Variants in KCNQ3 observed in about 807,000 individuals in gnomAD.
The protein encoded by KCNQ3 is potassium voltage-gated channel subfamily KQT member 3.
A neutral mutation model predicts 92.5 loss-of-function variants in KCNQ3; 30 were observed. The ratio of observed to expected loss-of-function variants is 0.32; its 90% CI spans 0.24 to 0.44. The LOEUF is 0.44. Ranked by LOEUF, KCNQ3 falls within the 20% of genes least tolerant of loss-of-function variation. KCNQ3 has a pLI of 1.00. For missense variants in KCNQ3, 913 were observed against 1,140.3 expected, an observed-to-expected ratio of 0.80 and a Z score of 2.87; for synonymous variants, 450 against 468.8, an observed-to-expected ratio of 0.96 and a Z score of 0.52.
chr8:132,172,046 G>A (rs1358191443), intron 7 of KCNQ3, among the ~76,000 whole-genome samples: 1 of 151,920 alleles, frequency 6.6e-6, no homozygotes, highest in African/African-American at 2.4e-5. Context: ...ATGGTGGTAC[G>A]TGTGGTGGTG....
chr8:132,333,786 T>C (rs530204987), intron 1 of KCNQ3, among the ~76,000 whole-genome samples: 49 of 151,344 alleles, frequency 3.2e-4, no homozygotes, highest in African/African-American at 1.2e-3. Context: ...AAGGCTGGAG[T>C]GCAGTGGTGT....
rs10673519 is a variant in KCNQ3 at position 132,133,354 on chromosome 8, C to CTTTTTTTTTTTTTTTTTTTTTTTTTTTTT, written c.1799+935_1799+936insAAAAAAAAAAAAAAAAAAAAAAAAAAAAA. ...TATCATCACGTTAATGCTCTCGATT[C>CTTTTTTTTTTTTTTTTTTTTTTTTTTTTT]TTTTTTTTTTTTTTTTTTTTGAGAT... is the stretch of plus-strand genomic sequence containing the variant. On this transcript the variant is annotated intron_variant, in intron 13 of 14. Coordinates refer to ENST00000388996, the MANE Select transcript of KCNQ3 (RefSeq NM_004519.4). Among the ~76,000 whole-genome samples the CTTTTTTTTTTTTTTTTTTTTTTTTTTTTT allele has an allele frequency of 2.9e-5, 3 of 103,478 alleles. 1 individual carries two copies. The highest frequency in any genetic ancestry group is 1.8e-5 in the Non-Finnish European group (1 of 55,058). The allele number at this position is 103,478 out of a possible 152,430, so 67.9% of individuals were successfully genotyped here. A position where few individuals can be genotyped will look rare whatever the true frequency, so the allele number is the denominator to read the frequency against.
chr8:132,268,527 G>A (rs985143302), intron 1 of KCNQ3, among the ~76,000 whole-genome samples: 1 of 152,170 alleles, frequency 6.6e-6, no homozygotes, highest in African/African-American at 2.4e-5. Flanking sequence ...CCAAAGTGCT[G>A]GGATTACAGG....
chr8:132,214,899 G>A (rs769278592), intron 1 of KCNQ3, among the ~76,000 whole-genome samples: 2 of 152,224 alleles, frequency 1.3e-5, no homozygotes, highest in Non-Finnish European at 2.9e-5. Flanking sequence ...AATGGTAGGA[G>A]TTTTAGACCT....
chr8:132,434,106 G>C (rs572506499), intron 1 of KCNQ3, among the ~76,000 whole-genome samples: 132 of 147,814 alleles, frequency 8.9e-4, no homozygotes, highest in African/African-American at 3.1e-3. Context: ...TACTTGGGAG[G>C]CTGAGGCAGG....
At chr8:132,342,895 T>TC (rs1218074221) in intron 1 of KCNQ3, among the ~76,000 whole-genome samples, 3 of 152,230 alleles carry the variant, frequency 2.0e-5, no homozygotes, top group Non-Finnish European at 4.4e-5. Context: ...GCTTGTATTC[T>TC]CCCCCATCAC....
At position 132,124,589 on chromosome 8, in the gene KCNQ3, A is replaced by C. The variant is rs1332731167; in HGVS notation, c.*4673T>G. ...GATAGCCTGGTCCTAACATGTTCTAAACTGGGCATTAGTGAGGGGCTGCCT... is the reference window on the plus strand; with the variant it reads ...GATAGCCTGGTCCTAACATGTTCTACACTGGGCATTAGTGAGGGGCTGCCT... On this transcript the variant is annotated 3_prime_UTR_variant, in exon 15 of 15. Transcript: ENST00000388996. The C allele has an allele frequency of 6.6e-6, 1 of 152,240 alleles. No individual in the cohort carries two copies. Among genetic ancestry groups the C allele is most frequent in the African/African-American group, 2.4e-5 (1 of 41,454 alleles). 9.4% of individuals were successfully genotyped at this position (152,240 alleles called of 1,614,324 possible).
intron 1 of KCNQ3, among the ~76,000 whole-genome samples, chr8:132,340,525 A>G (rs971684170): frequency 4.6e-5 from 7 of 152,062 alleles, no homozygotes; most frequent in African/African-American, 1.4e-4. Flanking sequence ...AAAACCAAAC[A>G]CCGCATGTTC....
intron 1 of KCNQ3, among the ~76,000 whole-genome samples, chr8:132,209,175 T>C (rs1211499440): frequency 2.0e-5 from 3 of 152,152 alleles, no homozygotes; most frequent in African/African-American, 7.2e-5. Flanking sequence ...AGGGTCCATC[T>C]TCTCTGAGGA....
At chr8:132,131,399 G>A (rs984655641) in intron 14 of KCNQ3, among the ~76,000 whole-genome samples, 2 of 152,136 alleles carry the variant, frequency 1.3e-5, no homozygotes, top group African/African-American at 4.8e-5. Context: ...GAGTGAGCGG[G>A]TTTCTCTTTC....
intron 1 of KCNQ3, among the ~76,000 whole-genome samples, chr8:132,312,649 G>A (rs1340892160): frequency 1.3e-5 from 2 of 152,170 alleles, no homozygotes; most frequent in Non-Finnish European, 2.9e-5. Flanking sequence ...ACTGGATCAT[G>A]GGGGCGGTTT....
At chr8:132,466,175 A>C (rs565686438) in intron 1 of KCNQ3, among the ~76,000 whole-genome samples, 1 of 152,158 alleles carries the variant, frequency 6.6e-6, no homozygotes, top group African/African-American at 2.4e-5. Context: ...ATTTACAAAT[A>C]CTTTTAATTC....
intron 1 of KCNQ3, among the ~76,000 whole-genome samples, chr8:132,325,984 C>G (rs1249362591): frequency 6.6e-6 from 1 of 152,128 alleles, no homozygotes; most frequent in Admixed American, 6.5e-5. Context: ...GTAAAAGGGA[C>G]AATATTTGTT....
At chr8:132,339,471 T>TA (rs753228779) in intron 1 of KCNQ3, among the ~76,000 whole-genome samples, 37 of 151,196 alleles carry the variant, frequency 2.4e-4, no homozygotes, top group African/African-American at 5.8e-4. Flanking sequence ...CTGGTTTCTT[T>TA]AAAAAAAAAC....
intron 1 of KCNQ3, among the ~76,000 whole-genome samples, chr8:132,342,920 A>T (rs1326556989): frequency 1.3e-5 from 2 of 152,182 alleles, no homozygotes; most frequent in Admixed American, 6.5e-5. Context: ...TGCACTATAA[A>T]CACATTTTCT....
At chr8:132,256,001 C>A (rs1371824519) in intron 1 of KCNQ3, among the ~76,000 whole-genome samples, 2 of 151,902 alleles carry the variant, frequency 1.3e-5, no homozygotes, top group African/African-American at 2.4e-5. Flanking sequence ...AAACAGTCAA[C>A]AGAAAATTGT....
At position 132,431,420 on chromosome 8, in the gene KCNQ3, C is replaced by T. The variant is rs184384567; in HGVS notation, c.386+48727G>A. On this transcript the variant is annotated intron_variant, in intron 1 of 14. Transcript: ENST00000388996. ...CATCCAGATTCCACCTCCTCAGAGTCGGGGGACACACAGGCATCCCTGGCC... is the reference window on the plus strand; with the variant it reads ...CATCCAGATTCCACCTCCTCAGAGTTGGGGGACACACAGGCATCCCTGGCC... Among the ~76,000 whole-genome samples, 565 of 152,320 alleles carry T rather than the reference C, an allele frequency of 3.7e-3. 4 individuals are homozygous for T. The highest frequency in any genetic ancestry group is 0.013 in the African/African-American group (547 of 41,578).
At chr8:132,131,478 G>A (rs1367316930) in intron 14 of KCNQ3, among the ~76,000 whole-genome samples, 1 of 152,110 alleles carries the variant, frequency 6.6e-6, no homozygotes, top group East Asian at 1.9e-4. Context: ...CCACTGCCTG[G>A]ACATTGAGAA....
chr8:132,245,822 C>T (rs1815154743), intron 1 of KCNQ3, among the ~76,000 whole-genome samples: 1 of 152,162 alleles, frequency 6.6e-6, no homozygotes, highest in Non-Finnish European at 1.5e-5. Context: ...ACATGCCTTC[C>T]TAGGCAATTT....
Sources: gnomAD v4.1 joint callset for allele counts (sites outside exome capture counted in the v4.1 genomes callset) on GRCh38, gnomAD v4.1.1 for gene constraint, MANE v1.5 for transcripts, NCBI Gene and HGNC (gene_info 2026-07-23, HGNC 2026-07-21) for gene names.